SUMF1: variants seen among roughly 807,000 people sequenced by gnomAD.
SUMF1 encodes sulfatase modifying factor 1.
SUMF1 carries 48 observed loss-of-function variants against 47.6 expected under a neutral mutation model. That is an observed-to-expected ratio of 1.01 (90% CI 0.80 to 1.28). The LOEUF is 1.28. Among genes scored for constraint, SUMF1 ranks in the 50% most tolerant of loss-of-function variants. The probability of loss-of-function intolerance (pLI) is 0.00; values close to 1 mark genes in which losing one functional copy is unlikely to be tolerated. For synonymous variants in SUMF1, 230 were observed against 192.1 expected (o/e 1.20, Z -1.63); for missense variants, 571 against 485.4 (o/e 1.18, Z -1.66).
At chr3:4,419,593 T>C (rs1417789366) in intron 4 of SUMF1, among the ~76,000 whole-genome samples, 3 of 152,178 alleles carry the variant, frequency 2.0e-5, no homozygotes, top group Non-Finnish European at 2.9e-5. Context: ...TCCAGTTAGA[T>C]GGTGGCTTCA....
chr3:4,130,036 A>G (rs4498030), intron 8 of SUMF1, among the ~76,000 whole-genome samples: 4,789 of 152,220 alleles, frequency 0.031, 244 homozygotes, highest in African/African-American at 0.11. Flanking sequence ...GTAAATCAAA[A>G]ACAATATCGC....
At chr3:4,115,079 T>C (rs1236978864) in intron 8 of SUMF1, among the ~76,000 whole-genome samples, 1 of 151,888 alleles carries the variant, frequency 6.6e-6, no homozygotes, top group East Asian at 1.9e-4. Flanking sequence ...TCTGTGCCTA[T>C]GAAAACCCCA....
At chr3:4,162,691 G>C (rs1420986422) in intron 8 of SUMF1, among the ~76,000 whole-genome samples, 4 of 152,178 alleles carry the variant, frequency 2.6e-5, no homozygotes, top group Non-Finnish European at 5.9e-5. Flanking sequence ...AAGGATGGGA[G>C]TGAGGTGGTG....
At chr3:4,378,197 A>G (rs1345648333) in intron 7 of SUMF1, among the ~76,000 whole-genome samples, 1 of 152,160 alleles carries the variant, frequency 6.6e-6, no homozygotes, top group Admixed American at 6.5e-5. Flanking sequence ...TGTTCAGAAC[A>G]CTCATGTTAG....
chr3:4,117,894 C>A (rs1243270617), intron 8 of SUMF1, among the ~76,000 whole-genome samples: 6 of 151,904 alleles, frequency 3.9e-5, no homozygotes, highest in African/African-American at 1.5e-4. Context: ...ACAGCTAGGC[C>A]TTTCTAATCA....
chr3:4,300,939 A>G (rs964498793), intron 8 of SUMF1, among the ~76,000 whole-genome samples: 4 of 152,164 alleles, frequency 2.6e-5, no homozygotes, highest in Non-Finnish European at 5.9e-5. Flanking sequence ...AAAGACTAGC[A>G]TATAAATGTA....
Position 4,037,565 on chromosome 3 carries a change from G to C in SUMF1, c.1191+31004C>G, listed in dbSNP as rs564184196. Among the ~76,000 whole-genome samples, 10 of 152,080 alleles carry C rather than the reference G, an allele frequency of 6.6e-5. No homozygotes were observed. The South Asian group carries it at 1.2e-3, about 19-fold the overall frequency. ...CTGTCAACTCCTGTATCATTTTTTT[G>C]CGATTCTTAGTTTCCTTTGATTGGA... On this transcript the variant is annotated intron_variant and NMD_transcript_variant, in intron 9 of 12. Coordinates refer to the SUMF1 transcript ENST00000448413.
chr3:4,091,820 G>C (rs769238404), intron 8 of SUMF1, among the ~76,000 whole-genome samples: 7 of 151,316 alleles, frequency 4.6e-5, no homozygotes, highest in Non-Finnish European at 1.0e-4. Flanking sequence ...TCACAGCCTG[G>C]TTCAGAACAT....
At chr3:4,449,243 G>A (rs757117365) in intron 3 of SUMF1, 23 bp downstream of exon 3, 8 of 1,613,430 alleles carry the variant, frequency 5.0e-6, no homozygotes, top group African/African-American at 2.7e-5. Flanking sequence ...AGAAATACAG[G>A]AGCCTGTTGA....
chr3:4,099,629 A>G (rs961623534), intron 8 of SUMF1, among the ~76,000 whole-genome samples: 5 of 152,144 alleles, frequency 3.3e-5, no homozygotes, highest in Admixed American at 2.0e-4. Flanking sequence ...GGCAAGAGAA[A>G]GAAATACAAT....
At chr3:4,356,240 T>C (rs556855054), downstream of SUMF1, among the ~76,000 whole-genome samples, 3 of 152,374 alleles carry the variant, frequency 2.0e-5, no homozygotes, top group South Asian at 6.2e-4. Context: ...CTAGGGTGGT[T>C]TGTATCCAGA....
chr3:4,247,908 G>C (rs1050464297), intron 8 of SUMF1, among the ~76,000 whole-genome samples: 2 of 152,210 alleles, frequency 1.3e-5, no homozygotes, highest in African/African-American at 4.8e-5. Context: ...TTAGGAGATA[G>C]TCCCTTGATC....
intron 9 of SUMF1, among the ~76,000 whole-genome samples, chr3:4,040,781 A>G (rs140945793): frequency 0.01 from 1,570 of 152,284 alleles, 15 homozygotes; most frequent in Non-Finnish European, 0.016. Flanking sequence ...GTGTATTACT[A>G]GATGCAGAGT....
rs562220753 is a variant in SUMF1 at position 4,249,896 on chromosome 3, C to G, written c.1014+126434G>C. 6.7e-4 allele frequency among the ~76,000 whole-genome samples: 102 copies of G among 152,196 alleles called. 1 individual carries two copies. Among genetic ancestry groups the G allele is most frequent in the Middle Eastern group, 3.4e-3 (1 of 294 alleles). On this transcript the variant is annotated intron_variant and NMD_transcript_variant, in intron 8 of 12. Transcript: ENST00000448413. ...AAATGATAAGAATGCAAAAGAGTCT[C>G]ATTGGGCCAGGGGCAGTGGCTCATG...
At chr3:4,198,760 C>T (rs1011869865) in intron 8 of SUMF1, among the ~76,000 whole-genome samples, 3 of 152,050 alleles carry the variant, frequency 2.0e-5, no homozygotes, top group Admixed American at 6.6e-5. Flanking sequence ...TCTCACCCTT[C>T]GCTGGCAACT....
At chr3:4,418,527 G>C (rs1701791821) in intron 4 of SUMF1, among the ~76,000 whole-genome samples, 1 of 152,158 alleles carries the variant, frequency 6.6e-6, no homozygotes, top group Non-Finnish European at 1.5e-5. Context: ...CCACAGCAGG[G>C]GCATACAGAG....
chr3:4,150,587 G>A (rs1694296477), intron 8 of SUMF1, among the ~76,000 whole-genome samples: 1 of 150,472 alleles, frequency 6.6e-6, no homozygotes. Flanking sequence ...GTCTTGCTAT[G>A]TTGCCCAGGC....
chr3:4,434,493 T>C (rs1702334920), intron 3 of SUMF1, among the ~76,000 whole-genome samples: 1 of 152,184 alleles, frequency 6.6e-6, no homozygotes, highest in African/African-American at 2.4e-5. Flanking sequence ...AAAGGAAATT[T>C]AACTTAATTT....
chr3:4,303,327 G>A (rs1255281629), intron 8 of SUMF1: 3 of 1,476,572 alleles, frequency 2.0e-6, no homozygotes, highest in South Asian at 1.5e-5. Flanking sequence ...TCCACCGCGC[G>A]GCCCAGGACT....
Sources: gnomAD v4.1 joint callset for allele counts (sites outside exome capture counted in the v4.1 genomes callset) on GRCh38, gnomAD v4.1.1 for gene constraint, MANE v1.5 for transcripts, NCBI Gene and HGNC (gene_info 2026-07-23, HGNC 2026-07-21) for gene names.